Variants in ATXN10 observed in about 807,000 individuals in gnomAD.
The protein encoded by ATXN10 is ataxin-10.
In ATXN10, 28 loss-of-function variants were observed where a neutral mutation model predicts 52.9. That is an observed-to-expected ratio of 0.53 (90% CI 0.39 to 0.73). The LOEUF (loss-of-function observed/expected upper bound fraction) is 0.73. Ranked by LOEUF, ATXN10 falls within the 30% of genes least tolerant of loss-of-function variation. The pLI is 0.00. For missense variants in ATXN10, 565 were observed against 577.0 expected (o/e 0.98, Z 0.21); for synonymous variants, 226 against 221.5 (o/e 1.02, Z -0.18).
At chr22:45,813,262 T>G (rs1457612412) in intron 10 of ATXN10, among the ~76,000 whole-genome samples, 1 of 152,156 alleles carries the variant, frequency 6.6e-6, no homozygotes, top group Non-Finnish European at 1.5e-5. Flanking sequence ...ACAGCTGAAC[T>G]TTATTTGAAG....
intron 9 of ATXN10, among the ~76,000 whole-genome samples, chr22:45,756,661 G>A (rs1213695064): frequency 6.6e-6 from 1 of 152,202 alleles, no homozygotes; most frequent in African/African-American, 2.4e-5. Context: ...AGAGTTTACT[G>A]TGGGGTGGGG....
chr22:45,731,182 G>C (rs1925075795), intron 7 of ATXN10, among the ~76,000 whole-genome samples: 1 of 152,212 alleles, frequency 6.6e-6, no homozygotes. Flanking sequence ...ATGCACTTGT[G>C]ATACAACAGG....
At chr22:45,827,598 C>G (rs1444916077) in intron 10 of ATXN10, among the ~76,000 whole-genome samples, 1 of 152,064 alleles carries the variant, frequency 6.6e-6, no homozygotes, top group Non-Finnish European at 1.5e-5. Context: ...TAAGAAGATA[C>G]AACAGATATA....
In ATXN10 at chr22:45,707,063, G is replaced by A. The variant is rs1190810098; in HGVS notation, c.647+4216G>A. On this transcript the variant is annotated intron_variant, in intron 5 of 11. Transcript: ENST00000252934. ...CACACACATGTTTATATTTATTATT[G>A]TTATACCTTCTTGATGCATTGACCC... is the stretch of plus-strand genomic sequence containing the variant. Among the ~76,000 whole-genome samples, 4 of 151,936 alleles carry A rather than the reference G, an allele frequency of 2.6e-5. No homozygotes were observed. The East Asian group carries it at 5.8e-4, about 22-fold the overall frequency.
Position 45,729,560 on chromosome 22 carries a change from G to A in ATXN10, c.864G>A (p.Lys288=). 6.2e-7 allele frequency: 1 copy of A among 1,614,162 alleles called. No individual in the cohort carries two copies. The highest frequency in any genetic ancestry group is 2.2e-5 in the East Asian group (1 of 44,882). ...TFVDQCKTVL[K]LASEEPPDDE... ...TGGATCAGTGCAAGACTGTGCTCAAGCTGGCCTCTGAGGAGCCTCCTGATG... is the reference window on the plus strand; with the variant it reads ...TGGATCAGTGCAAGACTGTGCTCAAACTGGCCTCTGAGGAGCCTCCTGATG... Residue 288 remains lysine (K), a synonymous_variant, in exon 7 of 12, where the codon AAG becomes AAA. Transcript: ENST00000252934.
rs1183774588 is a variant in ATXN10, at chr22:45,705,591, C to T, written c.647+2744C>T. 6.6e-6 allele frequency among the ~76,000 whole-genome samples: 1 copy of T among 152,104 alleles called. No individual in the cohort carries two copies. Among genetic ancestry groups the T allele is most frequent in the Non-Finnish European group, 1.5e-5 (1 of 68,004 alleles). On this transcript the variant is annotated intron_variant, in intron 5 of 11. Coordinates refer to ENST00000252934, the MANE Select transcript of ATXN10 (RefSeq NM_013236.4). This position sits in a 1 kb window ranked among gnomAD's most constrained non-coding sequence, Gnocchi z 5.2. The stretch of plus-strand genomic sequence containing the variant: ...GGGATTGCAGGTGCCCGCCACCACA[C>T]CCGGCTAATTTTTTTTGTATTTTTA...
intron 4 of ATXN10, 130 bp from the exon 5 acceptor site, chr22:45,702,554 CTTATT>C: frequency 1.3e-6 from 1 of 745,324 alleles, no homozygotes; most frequent in Non-Finnish European, 2.2e-6. Context: ...AAATAATCTA[CTTATT>C]TTAAAGTGCT....
chr22:45,738,504 A>C, intron 7 of ATXN10: 1 of 506,350 alleles, frequency 2.0e-6, no homozygotes, highest in South Asian at 2.4e-5. Flanking sequence ...AATGACACAT[A>C]ATCTTGCATT....
rs979110112 is a variant in ATXN10, at chr22:45,784,489, G to A, written c.1174-22470G>A. 1.3e-5 allele frequency among the ~76,000 whole-genome samples: 2 copies of A among 152,130 alleles called. No homozygotes were observed. Among genetic ancestry groups the A allele is most frequent in the Admixed American group, 6.5e-5 (1 of 15,276 alleles). On this transcript the variant is annotated intron_variant, in intron 9 of 11. Transcript: ENST00000252934. This position sits in a 1 kb window ranked among gnomAD's most constrained non-coding sequence, Gnocchi z 4.2. ...GTCCCCTAATTGTAATCTGCACCCC[G>A]AGTGTCACATTGCACAGTCTGCCTC...
chr22:45,798,760 T>C (rs1186346360), intron 9 of ATXN10, among the ~76,000 whole-genome samples: 1 of 152,158 alleles, frequency 6.6e-6, no homozygotes, highest in Non-Finnish European at 1.5e-5. Flanking sequence ...TCGTGTGTGT[T>C]AAGGAACTGA....
chr22:45,765,302 A>G (rs60006734), intron 9 of ATXN10, among the ~76,000 whole-genome samples: 2,939 of 152,266 alleles, frequency 0.019, 111 homozygotes, highest in African/African-American at 0.068. Context: ...GAGGAGCAAG[A>G]CAAGTCTGAA....
intron 10 of ATXN10, among the ~76,000 whole-genome samples, chr22:45,813,451 A>ATTT (rs1321038533): frequency 4.7e-5 from 2 of 42,516 alleles, no homozygotes; most frequent in Non-Finnish European, 4.2e-5. Context: ...TCCTTTCTTC[A>ATTT]TTTCTTTTTT....
chr22:45,773,681 C>T (rs770525302), intron 9 of ATXN10, among the ~76,000 whole-genome samples: 3 of 152,110 alleles, frequency 2.0e-5, no homozygotes, highest in Non-Finnish European at 2.9e-5. Context: ...TGGTCTCGAA[C>T]TCCTGACCTC....
chr22:45,682,290 G>T (rs1282860280), intron 1 of ATXN10, among the ~76,000 whole-genome samples: 3 of 151,576 alleles, frequency 2.0e-5, no homozygotes, highest in Non-Finnish European at 2.9e-5. Flanking sequence ...CCGTTTGCTG[G>T]TGACTAACAT....
intron 9 of ATXN10, among the ~76,000 whole-genome samples, chr22:45,755,764 A>G (rs1455323309): frequency 2.0e-5 from 3 of 152,218 alleles, no homozygotes; most frequent in Non-Finnish European, 4.4e-5. Context: ...GGAGCATTTT[A>G]TAGTGCTCAC....
At position 45,816,674 on chromosome 22, in the gene ATXN10, A is replaced by G. The variant is rs937450195; in HGVS notation, c.1237+9652A>G. Among the ~76,000 whole-genome samples the G allele has an allele frequency of 6.6e-6, 1 of 152,174 alleles. No homozygotes were observed. The highest frequency in any genetic ancestry group is 2.4e-5 in the African/African-American group (1 of 41,438). On this transcript the variant is annotated intron_variant, in intron 10 of 11. Transcript: ENST00000252934. The surrounding 1 kb of genome is among the most constrained non-coding windows in gnomAD (Gnocchi z 5.8). ...CTCCAAAGCATATTTTGTCTATAGTATCTTAATAGGTAATATACGGGAGAA... is the reference window on the plus strand; with the variant it reads ...CTCCAAAGCATATTTTGTCTATAGTGTCTTAATAGGTAATATACGGGAGAA...
At chr22:45,706,519 T>C (rs891520338) in intron 5 of ATXN10, among the ~76,000 whole-genome samples, 2 of 152,216 alleles carry the variant, frequency 1.3e-5, no homozygotes, top group Non-Finnish European at 2.9e-5. Flanking sequence ...TTCTGTCTTT[T>C]TTACATAGGC....
intron 6 of ATXN10, among the ~76,000 whole-genome samples, chr22:45,722,105 T>C (rs1169390604): frequency 3.3e-5 from 5 of 152,158 alleles, no homozygotes; most frequent in Admixed American, 2.0e-4. Context: ...GCCTGAGTGA[T>C]GATTTCTGGG....
chr22:45,721,888 C>G (rs1924666367), intron 6 of ATXN10, among the ~76,000 whole-genome samples: 1 of 152,084 alleles, frequency 6.6e-6, no homozygotes, highest in Non-Finnish European at 1.5e-5. Context: ...GCACTCCAGC[C>G]TGGGCAACAG....
Sources: gnomAD v4.1 joint callset for allele counts (sites outside exome capture counted in the v4.1 genomes callset) on GRCh38, gnomAD v4.1.1 for gene constraint, Gnocchi (gnomAD v3.1) non-coding constraint, MANE v1.5 for transcripts, NCBI Gene and HGNC (gene_info 2026-07-23, HGNC 2026-07-21) for gene names.